SPTLC3: variants seen among roughly 807,000 people sequenced by gnomAD.
The protein encoded by SPTLC3 is serine palmitoyltransferase long chain base subunit 3, also known as serine palmitoyltransferase 3.
A neutral mutation model predicts 59.3 loss-of-function variants in SPTLC3; 36 were observed. The ratio of observed to expected loss-of-function variants is 0.61; its 90% CI spans 0.47 to 0.80. The LOEUF is 0.80. SPTLC3 is among the 30% of genes least tolerant of loss of function. The pLI, the probability that SPTLC3 is intolerant of heterozygous loss-of-function variation, is 0.00. For synonymous variants in SPTLC3, 257 were observed against 240.8 expected (o/e 1.07, Z -0.62); for missense variants, 625 against 685.1 (o/e 0.91, Z 0.98).
intron 4 of SPTLC3, among the ~76,000 whole-genome samples, chr20:13,088,082 G>GT (rs1356922978): frequency 1.3e-5 from 2 of 152,220 alleles, no homozygotes; most frequent in African/African-American, 4.8e-5. Context: ...TGCCCAGGCT[G>GT]TTGGCCTTTT....
intron 9 of SPTLC3, among the ~76,000 whole-genome samples, chr20:13,146,738 C>G (rs1196010037): frequency 6.6e-6 from 1 of 152,134 alleles, no homozygotes; most frequent in Non-Finnish European, 1.5e-5. Context: ...CTATTGCCAC[C>G]TCAGCAGCTG....
chr20:13,151,951 A>C (rs979859015), intron 9 of SPTLC3, among the ~76,000 whole-genome samples: 2 of 152,010 alleles, frequency 1.3e-5, no homozygotes, highest in African/African-American at 4.8e-5. Context: ...GCTGTCAAAC[A>C]CTTGCTCAGC....
chr20:13,160,026 A>AG lies in SPTLC3; in HGVS notation c.1440dup (p.Lys481GlufsTer41). The stretch of plus-strand genomic sequence containing the variant: ...AGGGCTTTTGCAAGGCATATGCTAG[A>AG]GAAAAAAATTGGAGTGGTGGTCGTG... On this transcript the variant is annotated frameshift_variant, in exon 11 of 12. Coordinates refer to ENST00000399002, the MANE Select transcript of SPTLC3 (RefSeq NM_018327.4). LOFTEE classifies it high-confidence loss of function. The AG allele has an allele frequency of 1.2e-6, 2 of 1,613,054 alleles. No individual in the cohort carries two copies. The highest frequency in any genetic ancestry group is 3.3e-4 in the Middle Eastern group (2 of 6,044).
At chr20:13,102,046 T>G (rs1304813584) in intron 6 of SPTLC3, among the ~76,000 whole-genome samples, 1 of 152,068 alleles carries the variant, frequency 6.6e-6, no homozygotes, top group Non-Finnish European at 1.5e-5. Flanking sequence ...GAACCAAAAC[T>G]CTGCCTACTA....
chr20:13,105,267 G>A (rs1012357233), intron 6 of SPTLC3, among the ~76,000 whole-genome samples: 29 of 149,574 alleles, frequency 1.9e-4, no homozygotes, highest in Admixed American at 1.3e-3. Context: ...CCTGCAGGAG[G>A]AAAAAAAAAA....
intron 9 of SPTLC3, among the ~76,000 whole-genome samples, chr20:13,151,998 TATAATC>T (rs1219424020): frequency 1.3e-5 from 2 of 152,066 alleles, no homozygotes; most frequent in Non-Finnish European, 1.5e-5. Context: ...AAAAAAAAGA[TATAATC>T]ATAATCCAAA....
At chr20:13,152,709 G>A (rs7269014) in intron 9 of SPTLC3, among the ~76,000 whole-genome samples, 178 of 152,190 alleles carry the variant, frequency 1.2e-3, no homozygotes, top group African/African-American at 4.0e-3. Context: ...ATTAAGACTG[G>A]CCCTCATACC....
intron 11 of SPTLC3, among the ~76,000 whole-genome samples, chr20:13,163,189 G>A (rs1484780511): frequency 6.6e-6 from 1 of 151,846 alleles, no homozygotes. Context: ...CCAACATGGT[G>A]AAACCCCATC....
At chr20:13,039,713 A>G (rs1399512458) in intron 1 of SPTLC3, among the ~76,000 whole-genome samples, 2 of 151,944 alleles carry the variant, frequency 1.3e-5, no homozygotes, top group African/African-American at 4.8e-5. Context: ...GCTTTATTCT[A>G]TATTTTAAGT....
chr20:13,128,479 T>A (rs1483068031), intron 9 of SPTLC3, among the ~76,000 whole-genome samples: 1 of 152,174 alleles, frequency 6.6e-6, no homozygotes, highest in East Asian at 1.9e-4. Context: ...TAAGGGTTCA[T>A]CATCTCAACA....
At chr20:13,038,296 C>T (rs991736420) in intron 1 of SPTLC3, among the ~76,000 whole-genome samples, 7 of 152,048 alleles carry the variant, frequency 4.6e-5, no homozygotes, top group African/African-American at 1.7e-4. Flanking sequence ...GCAGAATTCA[C>T]CAGCAAAGAC....
chr20:13,122,329 G>GAGTA (rs2037885558), intron 8 of SPTLC3, among the ~76,000 whole-genome samples: 1 of 152,222 alleles, frequency 6.6e-6, no homozygotes, highest in Admixed American at 6.5e-5. Flanking sequence ...CCATATAGAT[G>GAGTA]AGTAGATCAG....
At chr20:13,108,262 A>AAC (rs1054275393) in intron 6 of SPTLC3, among the ~76,000 whole-genome samples, 2 of 152,182 alleles carry the variant, frequency 1.3e-5, no homozygotes, top group Admixed American at 1.3e-4. Flanking sequence ...ATTAAAAAGA[A>AAC]ACACACACAC....
intron 2 of SPTLC3, among the ~76,000 whole-genome samples, chr20:13,065,578 A>G (rs1054749524): frequency 1.3e-5 from 2 of 152,074 alleles, no homozygotes; most frequent in African/African-American, 2.4e-5. Flanking sequence ...TAGGTTAAAA[A>G]TGGTCAAACA....
At chr20:13,128,871 A>ATTT (rs35981991) in intron 9 of SPTLC3, among the ~76,000 whole-genome samples, 2 of 114,232 alleles carry the variant, frequency 1.8e-5, no homozygotes, top group Non-Finnish European at 3.5e-5. Context: ...TGCCCAGCTA[A>ATTT]TTTTTTTTTT....
At chr20:13,026,131 A>T (rs986524954) in intron 1 of SPTLC3, among the ~76,000 whole-genome samples, 5 of 152,168 alleles carry the variant, frequency 3.3e-5, no homozygotes, top group African/African-American at 1.2e-4. Context: ...TTTGTCACTG[A>T]TAAGGATTTA....
At chr20:13,075,783 A>G (rs1457020796) in intron 4 of SPTLC3, among the ~76,000 whole-genome samples, 1 of 152,166 alleles carries the variant, frequency 6.6e-6, no homozygotes, top group South Asian at 2.1e-4. Context: ...GTGACACCCA[A>G]TACCAGGGTT....
At chr20:13,146,927 CCT>C (rs1466824451) in intron 9 of SPTLC3, among the ~76,000 whole-genome samples, 1 of 152,218 alleles carries the variant, frequency 6.6e-6, no homozygotes, top group Admixed American at 6.5e-5. Flanking sequence ...GATCTCCAAG[CCT>C]CTGTTTCCTC....
At chr20:13,040,419 C>G (rs934088085) in intron 1 of SPTLC3, among the ~76,000 whole-genome samples, 1 of 151,410 alleles carries the variant, frequency 6.6e-6, no homozygotes, top group African/African-American at 2.4e-5. Flanking sequence ...AGTGCAGTGG[C>G]GCAATCTCGG....
Sources: allele counts gnomAD v4.1 joint callset (sites outside exome capture counted in the v4.1 genomes callset), GRCh38; gene constraint gnomAD v4.1.1; transcripts MANE v1.5; gene names NCBI Gene and HGNC (gene_info 2026-07-23, HGNC 2026-07-21).